The following CDV3 variants were observed in gnomAD, a reference collection of about 807,000 sequenced individuals.
CDV3 encodes protein CDV3 homolog.
A neutral mutation model predicts 24.5 loss-of-function variants in CDV3; 14 were observed. The observed-to-expected ratio is 0.57, with a 90% CI of 0.38 to 0.89. The LOEUF (loss-of-function observed/expected upper bound fraction) is 0.89. CDV3 is among the 40% of genes least tolerant of loss of function. The pLI is 0.00. For missense variants in CDV3, 304 were observed against 310.2 expected, an observed-to-expected ratio of 0.98 and a Z score of 0.15; for synonymous variants, 114 against 114.1, an observed-to-expected ratio of 1.00 and a Z score of 0.00.
At chr3:133,581,670 A>C (rs1160615971) in intron 2 of CDV3, among the ~76,000 whole-genome samples, 1 of 152,208 alleles carries the variant, frequency 6.6e-6, no homozygotes, top group Non-Finnish European at 1.5e-5. Flanking sequence ...AGGAAGCCTG[A>C]CTTTAGAATC....
At chr3:133,574,876 A>G (rs1048938840) in intron 1 of CDV3, 163 bp from the exon 2 acceptor site, 15 of 739,150 alleles carry the variant, frequency 2.0e-5, no homozygotes, top group African/African-American at 2.0e-4. Context: ...TTTGTCCTCC[A>G]TTTAGCCTAG....
In CDV3 at chr3:133,588,276, T is replaced by A; in HGVS notation, c.*230T>A. On this transcript the variant is annotated 3_prime_UTR_variant, in exon 5 of 5. Coordinates refer to ENST00000264993, the MANE Select transcript of CDV3 (RefSeq NM_017548.5). ...ATGTGTGAACTAGTTTCAACAGTGTTCTTTCATATTTACTCTGCAAATACA... is the reference window on the plus strand; with the variant it reads ...ATGTGTGAACTAGTTTCAACAGTGTACTTTCATATTTACTCTGCAAATACA... 1 of 1,540,230 alleles carries A rather than the reference T, an allele frequency of 6.5e-7. No individual in the cohort carries two copies. Among genetic ancestry groups the A allele is most frequent in the Non-Finnish European group, 8.7e-7 (1 of 1,146,362 alleles).
At chr3:133,585,133 CA>C (rs1004031593) in intron 3 of CDV3, among the ~76,000 whole-genome samples, 1 of 152,114 alleles carries the variant, frequency 6.6e-6, no homozygotes, top group Non-Finnish European at 1.5e-5. Flanking sequence ...TGGCTCATTG[CA>C]GCCCCTCAAC....
At chr3:133,582,668 A>G (rs1241805548) in intron 2 of CDV3, among the ~76,000 whole-genome samples, 6 of 152,218 alleles carry the variant, frequency 3.9e-5, no homozygotes, top group Non-Finnish European at 7.3e-5. Flanking sequence ...GGTGATGAGT[A>G]GAAGGCAAGG....
At chr3:133,574,434 G>C in intron 1 of CDV3, 150 bp downstream of exon 1, 1 of 985,296 alleles carries the variant, frequency 1.0e-6, no homozygotes, top group Non-Finnish European at 1.2e-6. Flanking sequence ...TCTCCACCTC[G>C]GGCTGGGCTC....
intron 3 of CDV3, among the ~76,000 whole-genome samples, chr3:133,584,565 T>A (rs116030876): frequency 6.6e-5 from 10 of 152,334 alleles, no homozygotes; most frequent in Non-Finnish European, 1.2e-4. Flanking sequence ...TGGGTTTAAC[T>A]CCAAAAGTTT....
Position 133,589,287 on chromosome 3 carries a change from C to G in CDV3, c.*1241C>G, listed in dbSNP as rs1476417876. On this transcript the variant is annotated 3_prime_UTR_variant, in exon 5 of 5. Coordinates refer to ENST00000264993, the MANE Select transcript of CDV3 (RefSeq NM_017548.5). The stretch of plus-strand genomic sequence containing the variant: ...CTGTTCTATAGATGCAGTGATTGTC[C>G]CAGCTAGCTCTGTTACCAGCCTTTT... 6.6e-6 allele frequency: 1 copy of G among 152,592 alleles called. No individual in the cohort carries two copies. Among genetic ancestry groups the G allele is most frequent in the African/African-American group, 2.4e-5 (1 of 41,418 alleles). 9.5% of individuals were successfully genotyped at this position (152,592 alleles called of 1,614,324 possible).
At chr3:133,577,362 TTC>T (rs1476575365) in intron 2 of CDV3, among the ~76,000 whole-genome samples, 2 of 126,444 alleles carry the variant, frequency 1.6e-5, no homozygotes, top group African/African-American at 8.9e-5. Flanking sequence ...CAGTCTTTTT[TTC>T]TTTTTTTTTT....
Position 133,589,458 on chromosome 3 carries a change from A to G in CDV3, c.*1412A>G, listed in dbSNP as rs1576665566. On this transcript the variant is annotated 3_prime_UTR_variant, in exon 5 of 5. Coordinates refer to ENST00000264993, the MANE Select transcript of CDV3 (RefSeq NM_017548.5). The stretch of plus-strand genomic sequence containing the variant: ...AGGAAGCTACCCAGGATTACAGAAG[A>G]GTGTCCACCTAACAAGATGGTCTGG... 1 of 152,654 alleles carries G rather than the reference A, an allele frequency of 6.6e-6. No homozygotes were observed. Among genetic ancestry groups the G allele is most frequent in the Admixed American group, 6.5e-5 (1 of 15,286 alleles). 9.5% of individuals were successfully genotyped at this position (152,654 alleles called of 1,614,324 possible).
At position 133,574,261 on chromosome 3, in the gene CDV3, G is replaced by A. The variant is rs2074713305; in HGVS notation, c.217G>A (p.Ala73Thr). 1.0e-6 allele frequency: 1 copy of A among 988,374 alleles called. No individual in the cohort carries two copies. Among genetic ancestry groups the A allele is most frequent in the Non-Finnish European group, 1.2e-6 (1 of 832,348 alleles). The allele number at this position is 988,374 out of a possible 1,614,324, so 61.2% of individuals were successfully genotyped here. A position where few individuals can be genotyped will look rare whatever the true frequency, so the allele number is the denominator to read the frequency against. Residue 73 changes from alanine to threonine, a missense_variant, in exon 1 of 5, where the codon GCC (alanine) becomes ACC (threonine). By Grantham distance (58) the Ala-to-Thr change is moderately conservative (BLOSUM62 0). Coordinates refer to ENST00000264993, the MANE Select transcript of CDV3 (RefSeq NM_017548.5). ...TASAGAAGPG[A>T]ATKAVTKDED... ...CAGCGCGGGGGCTGCGGGCCCAGGG[G>A]CCGCCACCAAGGCTGTGACGAAGGT...
rs888624315 is a variant in CDV3, at chr3:133,589,460, T to C, written c.*1414T>C. 12 of 152,614 alleles carry C rather than the reference T, an allele frequency of 7.9e-5. No homozygotes were observed. Among genetic ancestry groups the C allele is most frequent in the African/African-American group, 2.7e-4 (11 of 41,432 alleles). 9.5% of individuals were successfully genotyped at this position (152,614 alleles called of 1,614,324 possible). A position where few individuals can be genotyped will look rare whatever the true frequency, so the allele number is the denominator to read the frequency against. Reference sequence around the variant, plus strand: ...GAAGCTACCCAGGATTACAGAAGAGTGTCCACCTAACAAGATGGTCTGGCA... The same window carrying C: ...GAAGCTACCCAGGATTACAGAAGAGCGTCCACCTAACAAGATGGTCTGGCA... On this transcript the variant is annotated 3_prime_UTR_variant, in exon 5 of 5. Coordinates refer to ENST00000264993, the MANE Select transcript of CDV3 (RefSeq NM_017548.5).
chr3:133,585,354 C>A (rs1427917682), intron 3 of CDV3, among the ~76,000 whole-genome samples: 1 of 152,018 alleles, frequency 6.6e-6, no homozygotes, highest in African/African-American at 2.4e-5. Context: ...GTTTTTAAAT[C>A]ATCTTTAGAA....
rs1431332155 is a variant in CDV3, at chr3:133,586,702, C to T, written c.606C>T (p.Ala202=). The change falls in exon 4 of 5, where the codon GCC becomes GCT. Residue 202 remains alanine (A), a synonymous_variant. Transcript: ENST00000264993. ...AGTTCCCATCCCTGCAGTCAACTGCCAAGCATGTAGAAAGCCGGAAGTAAG... is the reference window on the plus strand; with the variant it reads ...AGTTCCCATCCCTGCAGTCAACTGCTAAGCATGTAGAAAGCCGGAAGTAAG... ...DTQFPSLQST[A]KHVESRKDKE... is the part of the protein sequence containing the mutation. The T allele has an allele frequency of 6.3e-7, 1 of 1,597,342 alleles. No individual in the cohort carries two copies. The highest frequency in any genetic ancestry group is 1.1e-5 in the South Asian group (1 of 90,592).
intron 3 of CDV3, among the ~76,000 whole-genome samples, chr3:133,584,647 C>T (rs981926177): frequency 1.3e-5 from 2 of 152,090 alleles, no homozygotes; most frequent in African/African-American, 4.8e-5. Flanking sequence ...GACAGAAAGA[C>T]AAGGGGCCCT....
intron 1 of CDV3, 40 bp from the exon 2 acceptor site, chr3:133,574,999 A>G (rs765321523): frequency 6.2e-5 from 79 of 1,264,472 alleles, no homozygotes; most frequent in Non-Finnish European, 8.7e-5. Flanking sequence ...TTATATGTCT[A>G]CAAATAGCTT....
intron 2 of CDV3, among the ~76,000 whole-genome samples, chr3:133,583,502 T>C (rs35824665): frequency 0.091 from 13,797 of 152,258 alleles, 721 homozygotes; most frequent in Middle Eastern, 0.15. Flanking sequence ...AACTGGGGTC[T>C]TGCTCTTATG....
chr3:133,577,003 A>G (rs896640058), intron 2 of CDV3, among the ~76,000 whole-genome samples: 12 of 151,342 alleles, frequency 7.9e-5, no homozygotes, highest in Non-Finnish European at 1.2e-4. Flanking sequence ...GCCCGCCACC[A>G]CACCTGGCTA....
intron 1 of CDV3, 63 bp from the exon 2 acceptor site, chr3:133,574,976 G>A (rs1188083595): frequency 3.9e-6 from 4 of 1,013,290 alleles, no homozygotes; most frequent in Admixed American, 1.8e-5. Flanking sequence ...TTCGTAGTGT[G>A]TTATTTGCTT....
chr3:133,574,520 G>T (rs1201753971), intron 1 of CDV3: 1 of 985,984 alleles, frequency 1.0e-6, no homozygotes, highest in South Asian at 4.7e-5. Context: ...GTTAGCCAAG[G>T]CCCGGGCGGC....
Sources: allele counts gnomAD v4.1 joint callset (sites outside exome capture counted in the v4.1 genomes callset), GRCh38; gene constraint gnomAD v4.1.1; transcripts MANE v1.5; gene names NCBI Gene and HGNC (gene_info 2026-07-23, HGNC 2026-07-21).